CUBN: variants seen among roughly 807,000 people sequenced by gnomAD.
The protein encoded by CUBN is 460 kDa receptor.
Under a neutral mutation model 405.3 loss-of-function variants are expected in CUBN, and 282 were observed. That is an observed-to-expected ratio of 0.70 (90% CI 0.63 to 0.77). The LOEUF is 0.77. CUBN is among the 30% of genes least tolerant of loss of function. CUBN has a pLI of 0.00. For synonymous variants in CUBN, 1,684 were observed against 1,617.0 expected (o/e 1.04, Z -0.99); for missense variants, 4,514 against 4,475.2 (o/e 1.01, Z -0.25).
intron 65 of CUBN, among the ~76,000 whole-genome samples, chr10:16,830,950 G>A (rs1838969948): frequency 6.6e-6 from 1 of 152,132 alleles, no homozygotes; most frequent in African/African-American, 2.4e-5. Flanking sequence ...GGCTGGGCAT[G>A]GTGGCGCATG....
rs1258550135 is a variant in CUBN, at chr10:16,869,511, A to G, written c.9454+125T>C. 1.1e-5 allele frequency: 9 copies of G among 782,792 alleles called. No individual in the cohort carries two copies. The Admixed American group carries it at 1.3e-4, about 12-fold the overall frequency. 48.5% of individuals were successfully genotyped at this position (782,792 alleles called of 1,614,324 possible). A position where few individuals can be genotyped will look rare whatever the true frequency, so the allele number is the denominator to read the frequency against. ...TTTTAAAACCAAGCCCTTACATGGC[A>G]TATTCTTCTAAGCTTCAAGGAAAAG... On this transcript the variant is annotated intron_variant, in intron 59 of 66. Coordinates refer to ENST00000377833, the MANE Select transcript of CUBN (RefSeq NM_001081.4).
At chr10:17,086,769 G>A (rs1312986364) in intron 15 of CUBN, among the ~76,000 whole-genome samples, 1 of 152,122 alleles carries the variant, frequency 6.6e-6, no homozygotes, top group Non-Finnish European at 1.5e-5. Flanking sequence ...TTAGATGGCA[G>A]CATAACTTTA....
At chr10:17,060,803 C>T (rs1210344583) in intron 22 of CUBN, among the ~76,000 whole-genome samples, 2 of 152,180 alleles carry the variant, frequency 1.3e-5, no homozygotes, top group East Asian at 1.9e-4. Context: ...GTAATAACAG[C>T]ACTTTGGGAG....
rs901955272 is a variant in CUBN at position 16,901,423 on chromosome 10, A to T, written c.8099T>A (p.Ile2700Asn). The change falls in exon 52 of 67, where the codon ATC (isoleucine) becomes AAC (asparagine). Residue 2700 changes from isoleucine to asparagine, a missense_variant. Coordinates refer to ENST00000377833, the MANE Select transcript of CUBN (RefSeq NM_001081.4). Reference sequence around the variant, plus strand: ...AGCATTTGGATAGTTGGGGCTTGTGATCACTCCACTGTCACCTATCTGTAT... The same window carrying T: ...AGCATTTGGATAGTTGGGGCTTGTGTTCACTCCACTGTCACCTATCTGTAT... ...GGIQIGDSGV[I>N]TSPNYPNAYD... 3 of 1,614,132 alleles carry T rather than the reference A, an allele frequency of 1.9e-6. No individual in the cohort carries two copies. The highest frequency in any genetic ancestry group is 2.5e-6 in the Non-Finnish European group (3 of 1,179,990).
At chr10:16,848,907 T>C (rs922195758) in intron 60 of CUBN, among the ~76,000 whole-genome samples, 7 of 152,034 alleles carry the variant, frequency 4.6e-5, no homozygotes, top group African/African-American at 1.4e-4. Context: ...TCTCACTATG[T>C]TGCCAGGGCT....
intron 31 of CUBN, among the ~76,000 whole-genome samples, chr10:16,959,621 T>G (rs986486453): frequency 6.8e-6 from 1 of 146,280 alleles, no homozygotes; most frequent in African/African-American, 2.5e-5. Context: ...AGAGCAAAAC[T>G]CCGTCTCAAA....
chr10:16,852,253 A>G (rs1277439700), intron 59 of CUBN, among the ~76,000 whole-genome samples: 2 of 66,322 alleles, frequency 3.0e-5, no homozygotes, highest in African/African-American at 1.2e-4. Flanking sequence ...CCCTCCCTCT[A>G]TCTTTCCCTC....
intron 27 of CUBN, among the ~76,000 whole-genome samples, chr10:17,038,506 C>G (rs1834946279): frequency 6.6e-6 from 1 of 152,180 alleles, no homozygotes; most frequent in Non-Finnish European, 1.5e-5. Context: ...ACCCATTCCT[C>G]TCATCAAGGC....
At chr10:16,905,689 G>A (rs1841534494) in intron 50 of CUBN, among the ~76,000 whole-genome samples, 1 of 152,200 alleles carries the variant, frequency 6.6e-6, no homozygotes. Flanking sequence ...CTCACTCACT[G>A]TTCCTGGGGT....
intron 10 of CUBN, among the ~76,000 whole-genome samples, chr10:17,109,436 C>T (rs1041926081): frequency 1.3e-5 from 2 of 152,048 alleles, no homozygotes; most frequent in African/African-American, 4.8e-5. Context: ...TACCTTATTT[C>T]CTAAATCAGA....
At position 16,993,307 on chromosome 10, in the gene CUBN, C is replaced by T. The variant is rs1833645242; in HGVS notation, c.4169-2792G>A. Among the ~76,000 whole-genome samples, 3 of 152,346 alleles carry T rather than the reference C, an allele frequency of 2.0e-5. No individual in the cohort carries two copies. In the South Asian group the frequency reaches 6.2e-4, roughly 32 times the overall value. On this transcript the variant is annotated intron_variant, in intron 28 of 66. Transcript: ENST00000377833. ...GCATTTTTATTTAGCATTCGTTCATCAGCCAATCTGATTCAATTTTTTTAT... is the reference window on the plus strand; with the variant it reads ...GCATTTTTATTTAGCATTCGTTCATTAGCCAATCTGATTCAATTTTTTTAT...
intron 28 of CUBN, among the ~76,000 whole-genome samples, chr10:16,995,742 A>G (rs1833715021): frequency 6.6e-6 from 1 of 152,220 alleles, no homozygotes; most frequent in Admixed American, 6.5e-5. Flanking sequence ...GAGGTAAGAA[A>G]TTGGTTTTTC....
chr10:16,977,217 C>T (rs960088872), intron 31 of CUBN, among the ~76,000 whole-genome samples: 2 of 152,120 alleles, frequency 1.3e-5, no homozygotes, highest in African/African-American at 2.4e-5. Flanking sequence ...CACTCTCAAG[C>T]CTGGAAACCC....
intron 48 of CUBN, among the ~76,000 whole-genome samples, chr10:16,908,161 T>C (rs1189431796): frequency 6.6e-6 from 1 of 152,208 alleles, no homozygotes; most frequent in African/African-American, 2.4e-5. Context: ...TATTTATTTT[T>C]TGAGACAGAG....
At chr10:17,085,860 A>G in intron 15 of CUBN, 101 bp from the exon 16 acceptor site, 1 of 1,134,408 alleles carries the variant, frequency 8.8e-7, no homozygotes. Flanking sequence ...TTTAAAAGTG[A>G]TCGCTCAAGG....
At chr10:17,021,564 GTGTC>G (rs1279525752) in intron 27 of CUBN, among the ~76,000 whole-genome samples, 2 of 152,232 alleles carry the variant, frequency 1.3e-5, no homozygotes, top group African/African-American at 4.8e-5. Flanking sequence ...GTATGTGTGA[GTGTC>G]TGTGTGTTTG....
chr10:17,113,136 G>T (rs1459379966), intron 8 of CUBN, among the ~76,000 whole-genome samples: 1 of 152,000 alleles, frequency 6.6e-6, no homozygotes, highest in East Asian at 1.9e-4. Context: ...GTGGTGAGGT[G>T]TGCCTGTAAT....
At chr10:17,084,550 A>C in intron 16 of CUBN, 89 bp from the exon 17 acceptor site, 1 of 923,450 alleles carries the variant, frequency 1.1e-6, no homozygotes, top group Non-Finnish European at 1.7e-6. Flanking sequence ...ATTTACCCAC[A>C]CACACACACA....
chr10:16,917,521 G>T (rs1410325923), intron 45 of CUBN, among the ~76,000 whole-genome samples: 1 of 152,116 alleles, frequency 6.6e-6, no homozygotes, highest in African/African-American at 2.4e-5. Context: ...TTGGTGTACT[G>T]TACTCACCTA....
Sources: gnomAD v4.1 joint callset for allele counts (sites outside exome capture counted in the v4.1 genomes callset) on GRCh38, gnomAD v4.1.1 for gene constraint, MANE v1.5 for transcripts, NCBI Gene and HGNC (gene_info 2026-07-23, HGNC 2026-07-21) for gene names.